CCDC141: variants seen among roughly 807,000 people sequenced by gnomAD.
The protein encoded by CCDC141 is coiled-coil domain containing 141.
CCDC141 carries 168 observed loss-of-function variants against 181.0 expected under a neutral mutation model. The ratio of observed to expected loss-of-function variants is 0.93; its 90% CI spans 0.82 to 1.05. The LOEUF is 1.05. Ranked by LOEUF, CCDC141 falls within the 50% of genes least tolerant of loss-of-function variation. CCDC141 has a pLI of 0.00. For missense variants in CCDC141, 1,902 were observed against 1,788.5 expected, an observed-to-expected ratio of 1.06 and a Z score of -1.14; for synonymous variants, 666 against 642.3, an observed-to-expected ratio of 1.04 and a Z score of -0.56.
At position 178,837,079 on chromosome 2, in the gene CCDC141, C is replaced by G; in HGVS notation, c.4140G>C (p.Arg1380Ser). 1 of 1,613,972 alleles carries G rather than the reference C, an allele frequency of 6.2e-7. No individual in the cohort carries two copies. Among genetic ancestry groups the G allele is most frequent in the Admixed American group, 1.7e-5 (1 of 60,000 alleles). The change falls in exon 23 of 24, where the codon AGG becomes AGC. Residue 1380 changes from arginine to serine, a missense_variant. Arg to Ser is a moderately radical substitution (Grantham distance 110). Transcript: ENST00000443758. ...GAGGAACCATTTGCCTCTGATAGCC[C>G]CTGCTGGTGCCTGATTGAAACCTGA... ...SGLRFQSGTS[R>S]GYQRQMVPRE... is the part of the protein sequence containing the mutation.
intron 6 of CCDC141, among the ~76,000 whole-genome samples, chr2:178,925,511 A>G (rs939466141): frequency 1.3e-5 from 2 of 152,228 alleles, no homozygotes; most frequent in African/African-American, 2.4e-5. Context: ...TTGGAGCACA[A>G]ATGCATTTCT....
At position 178,834,283 on chromosome 2, in the gene CCDC141, T is replaced by C; in HGVS notation, c.4483A>G (p.Ile1495Val). ...CTGCAGTTACCTGTCACGTGGAGGA[T>C]GACATTGGAAGAGAGAGCGCCGCTA... ...NSSGALSSNV[I>V]LHVTGNCRLP... is the part of the protein sequence containing the mutation. The change falls in exon 24 of 24, where the codon ATC becomes GTC. Residue 1495 changes from isoleucine to valine, a missense_variant. Coordinates refer to ENST00000443758, the MANE Select transcript of CCDC141 (RefSeq NM_173648.4). 1.3e-6 allele frequency: 2 copies of C among 1,536,028 alleles called. No individual in the cohort carries two copies. The highest frequency in any genetic ancestry group is 1.7e-6 in the Non-Finnish European group (2 of 1,146,848).
At chr2:178,859,498 A>T (rs996681429) in intron 17 of CCDC141, among the ~76,000 whole-genome samples, 5 of 152,098 alleles carry the variant, frequency 3.3e-5, no homozygotes, top group African/African-American at 1.2e-4. Flanking sequence ...TGAGCACATA[A>T]GTGGAGAAAA....
In CCDC141 at chr2:178,833,928, ATC is replaced by A; in HGVS notation, c.*243_*244del. The A allele has an allele frequency of 2.2e-6, 1 of 454,814 alleles. No individual in the cohort carries two copies. Among genetic ancestry groups the A allele is most frequent in the Non-Finnish European group, 3.9e-6 (1 of 255,290 alleles). The allele number at this position is 454,814 out of a possible 1,614,324, so 28.2% of individuals were successfully genotyped here. A position where few individuals can be genotyped will look rare whatever the true frequency, so the allele number is the denominator to read the frequency against. On this transcript the variant is annotated 3_prime_UTR_variant, in exon 24 of 24. Transcript: ENST00000443758. The stretch of plus-strand genomic sequence containing the variant: ...TTTTGCTGCATATTATGTTGAAAAC[ATC>A]TGTTTCTAGAGTACAAAAATCTGTT...
At chr2:178,937,520 C>G (rs1689338899) in intron 6 of CCDC141, among the ~76,000 whole-genome samples, 1 of 152,100 alleles carries the variant, frequency 6.6e-6, no homozygotes, top group African/African-American at 2.4e-5. Flanking sequence ...ACTTCTGCAT[C>G]AATATTCATC....
chr2:178,954,943 T>C (rs1169050740), intron 5 of CCDC141, among the ~76,000 whole-genome samples: 5 of 152,132 alleles, frequency 3.3e-5, no homozygotes, highest in African/African-American at 4.8e-5. Flanking sequence ...CTCAGCTTAG[T>C]GTTCCTGCTG....
intron 6 of CCDC141, among the ~76,000 whole-genome samples, chr2:178,924,425 T>C (rs1017964022): frequency 1.3e-5 from 2 of 152,194 alleles, no homozygotes; most frequent in African/African-American, 2.4e-5. Context: ...CATGATTGTA[T>C]TAACAGATGG....
intron 18 of CCDC141, among the ~76,000 whole-genome samples, chr2:178,855,984 T>C (rs1448858597): frequency 6.6e-6 from 1 of 152,074 alleles, no homozygotes; most frequent in Non-Finnish European, 1.5e-5. Flanking sequence ...CATGCATCCA[T>C]GTGTGTGTGT....
chr2:178,969,592 C>T (rs1246045754), intron 4 of CCDC141, among the ~76,000 whole-genome samples: 1 of 151,798 alleles, frequency 6.6e-6, no homozygotes, highest in African/African-American at 2.4e-5. Context: ...TGCTAAAAAC[C>T]CTCAATAAAC....
At chr2:178,892,121 C>T (rs982399625) in intron 8 of CCDC141, among the ~76,000 whole-genome samples, 7 of 152,184 alleles carry the variant, frequency 4.6e-5, no homozygotes. Context: ...CTTTTGGCCA[C>T]TTGTAGAAGT....
chr2:178,861,268 G>A (rs772647803), intron 17 of CCDC141, among the ~76,000 whole-genome samples: 10 of 151,980 alleles, frequency 6.6e-5, no homozygotes, highest in Non-Finnish European at 1.3e-4. Flanking sequence ...ATGGGCACAT[G>A]GGATCCCCCT....
At chr2:178,816,495 A>T in the CCDC141 span, among the ~76,000 whole-genome samples, 1 of 152,238 alleles carries the variant, frequency 6.6e-6, no homozygotes, top group Non-Finnish European at 1.5e-5. Context: ...TAAAGCTGCT[A>T]TAAACATCTG....
At chr2:178,886,535 G>A (rs1018198915) in intron 10 of CCDC141, among the ~76,000 whole-genome samples, 26 of 152,098 alleles carry the variant, frequency 1.7e-4, no homozygotes, top group African/African-American at 5.1e-4. Context: ...ATACCCAGCC[G>A]TAATGCTGAC....
chr2:179,034,852 A>G (rs1315188569), intron 2 of CCDC141, among the ~76,000 whole-genome samples: 1 of 152,194 alleles, frequency 6.6e-6, no homozygotes, highest in Non-Finnish European at 1.5e-5. Flanking sequence ...TCTTTTGTAA[A>G]TAGTCCATTT....
intron 5 of CCDC141, among the ~76,000 whole-genome samples, chr2:178,954,241 A>T (rs765884071): frequency 6.6e-6 from 1 of 152,260 alleles, no homozygotes; most frequent in Admixed American, 6.5e-5. Flanking sequence ...TCTTGCCAAG[A>T]TAATTAATTA....
At chr2:178,980,147 A>G (rs764331963) in intron 2 of CCDC141, among the ~76,000 whole-genome samples, 18 of 152,180 alleles carry the variant, frequency 1.2e-4, no homozygotes, top group Non-Finnish European at 2.4e-4. Flanking sequence ...AGATGTCAAT[A>G]AAAATTGGAG....
At chr2:179,015,871 CTCATATGTATCAT>C (rs1559050829) in intron 2 of CCDC141, among the ~76,000 whole-genome samples, 1 of 116,450 alleles carries the variant, frequency 8.6e-6, no homozygotes, top group East Asian at 2.8e-4. Context: ...TCATATATAT[CTCATATGTATCAT>C]ATATATCTCA....
At chr2:178,853,725 A>T (rs781234932) in intron 19 of CCDC141, 101 bp from the exon 20 acceptor site, 79 of 946,256 alleles carry the variant, frequency 8.3e-5, no homozygotes, top group Non-Finnish European at 1.2e-4. Flanking sequence ...CCTCAACTTA[A>T]TGTTCACATT....
Position 178,879,301 on chromosome 2 carries a change from T to C in CCDC141, c.1720-1158A>G, listed in dbSNP as rs189614780. 7.4e-4 allele frequency among the ~76,000 whole-genome samples: 112 copies of C among 152,310 alleles called. 2 individuals carry two copies. The highest frequency in any genetic ancestry group is 4.3e-4 in the Non-Finnish European group (29 of 68,012). Reference sequence around the variant, plus strand: ...TAGCTTGTAACTCCCAAGAGCAATCTAAACAGGGTAAGAAATTTCAGGCAA... The same window carrying C: ...TAGCTTGTAACTCCCAAGAGCAATCCAAACAGGGTAAGAAATTTCAGGCAA... On this transcript the variant is annotated intron_variant, in intron 11 of 23. Transcript: ENST00000443758.
Sources: allele counts gnomAD v4.1 joint callset (sites outside exome capture counted in the v4.1 genomes callset), GRCh38; gene constraint gnomAD v4.1.1; transcripts MANE v1.5; gene names NCBI Gene and HGNC (gene_info 2026-07-23, HGNC 2026-07-21).